The following FARP1 variants were observed in gnomAD, a reference collection of about 807,000 sequenced individuals.
FARP1 encodes the protein FERM, ARH/RhoGEF and pleckstrin domain protein 1, also known as FERM, ARHGEF and pleckstrin domain-containing protein 1.
A neutral mutation model predicts 128.8 loss-of-function variants in FARP1; 52 were observed. That is an observed-to-expected ratio of 0.40 (90% CI 0.32 to 0.51). The LOEUF (loss-of-function observed/expected upper bound fraction) is 0.51. Among genes scored for constraint, FARP1 ranks in the 20% least tolerant of loss-of-function variants. The pLI, the probability that FARP1 is intolerant of heterozygous loss-of-function variation, is 0.45. For missense variants in FARP1, 1,333 were observed against 1,367.9 expected, an observed-to-expected ratio of 0.97 and a Z score of 0.40; for synonymous variants, 580 against 551.8, an observed-to-expected ratio of 1.05 and a Z score of -0.72.
At chr13:98,226,951 T>TTTC (rs1566766334) in intron 2 of FARP1, among the ~76,000 whole-genome samples, 5 of 151,896 alleles carry the variant, frequency 3.3e-5, no homozygotes, top group African/African-American at 9.7e-5. Flanking sequence ...TTCTTTCTTT[T>TTTC]TTTTTTTGAG....
intron 2 of FARP1, among the ~76,000 whole-genome samples, chr13:98,290,659 C>T (rs1885406496): frequency 6.6e-6 from 1 of 152,114 alleles, no homozygotes; most frequent in African/African-American, 2.4e-5. Flanking sequence ...TGAGTTGGGA[C>T]AGTAGTGGCC....
Position 98,446,759 on chromosome 13 carries a change from C to T in FARP1, c.2998C>T (p.Leu1000=). The change falls in exon 26 of 27, where the codon CTG becomes TTG. Residue 1000 remains leucine, a synonymous_variant. Coordinates refer to ENST00000319562, the MANE Select transcript of FARP1 (RefSeq NM_005766.4). The stretch of plus-strand genomic sequence containing the variant: ...CATCCAGAAAGACTACGTGTTCAAG[C>T]TGCACTTCAAGTCCCACGTCTACTA... ...ENIQKDYVFK[L]HFKSHVYYFR... 2 of 1,614,194 alleles carry T rather than the reference C, an allele frequency of 1.2e-6. No homozygotes were observed. Among genetic ancestry groups the T allele is most frequent in the Non-Finnish European group, 1.7e-6 (2 of 1,180,030 alleles).
intron 2 of FARP1, among the ~76,000 whole-genome samples, chr13:98,252,587 G>A (rs1883395975): frequency 6.6e-6 from 1 of 152,198 alleles, no homozygotes; most frequent in South Asian, 2.1e-4. Flanking sequence ...GCTACCAAAT[G>A]CTGAGATTTC....
chr13:98,322,686 T>C lies in FARP1; in HGVS notation c.172-21076T>C, dbSNP rs1210493386. ...GAAGAAGGCACTGAGTAGAGGCTGTTCCCCGGGAATTATCCAAGAATCACA... is the reference window on the plus strand; with the variant it reads ...GAAGAAGGCACTGAGTAGAGGCTGTCCCCCGGGAATTATCCAAGAATCACA... On this transcript the variant is annotated intron_variant, in intron 2 of 26. Coordinates refer to ENST00000319562, the MANE Select transcript of FARP1 (RefSeq NM_005766.4). 2.0e-5 allele frequency among the ~76,000 whole-genome samples: 3 copies of C among 152,194 alleles called. No homozygotes were observed. In the South Asian group the frequency reaches 6.2e-4, roughly 31 times the overall value.
chr13:98,184,089 A>G (rs775495818), intron 1 of FARP1, among the ~76,000 whole-genome samples: 1 of 152,166 alleles, frequency 6.6e-6, no homozygotes, highest in Non-Finnish European at 1.5e-5. Context: ...GAGCAGTGTC[A>G]GACTCAAAAA....
chr13:98,199,250 C>A (rs1217850733), intron 1 of FARP1, among the ~76,000 whole-genome samples: 1 of 151,934 alleles, frequency 6.6e-6, no homozygotes, highest in African/African-American at 2.4e-5. Context: ...TGTCTCAGTT[C>A]CTCAGTGAGG....
At chr13:98,390,328 G>A (rs919946577) in intron 10 of FARP1, among the ~76,000 whole-genome samples, 4 of 152,192 alleles carry the variant, frequency 2.6e-5, no homozygotes, top group East Asian at 3.8e-4. Context: ...CATGGTAAAC[G>A]CCTAGCGGGA....
intron 1 of FARP1, among the ~76,000 whole-genome samples, chr13:98,169,828 C>A (rs1395110482): frequency 6.6e-6 from 1 of 151,778 alleles, no homozygotes; most frequent in Non-Finnish European, 1.5e-5. Context: ...TTGCTTTCTC[C>A]ATTTAGTCTG....
At chr13:98,355,072 G>A (rs1218792198) in intron 3 of FARP1, among the ~76,000 whole-genome samples, 1 of 152,158 alleles carries the variant, frequency 6.6e-6, no homozygotes, top group Non-Finnish European at 1.5e-5. Flanking sequence ...TGGTGACCAG[G>A]CAAGATGTCT....
chr13:98,430,983 C>T (rs1460535447), intron 17 of FARP1, 60 bp from the exon 18 acceptor site: 2 of 1,074,172 alleles, frequency 1.9e-6, no homozygotes, highest in Non-Finnish European at 2.8e-6. Flanking sequence ...TGAAACTGGG[C>T]AGAACACAGG....
intron 2 of FARP1, among the ~76,000 whole-genome samples, chr13:98,279,059 T>G (rs1202365873): frequency 6.6e-6 from 1 of 151,570 alleles, no homozygotes; most frequent in Non-Finnish European, 1.5e-5. Context: ...ATGGTCTTGA[T>G]CTCCTGACCT....
chr13:98,277,278 G>A (rs912724176), intron 2 of FARP1, among the ~76,000 whole-genome samples: 9 of 152,000 alleles, frequency 5.9e-5, no homozygotes, highest in African/African-American at 2.2e-4. Context: ...ATGGCCTCGC[G>A]TGTAGCTGGG....
intron 8 of FARP1, 102 bp downstream of exon 8, chr13:98,385,916 T>A: frequency 7.8e-7 from 1 of 1,279,254 alleles, no homozygotes; most frequent in Non-Finnish European, 1.1e-6. Flanking sequence ...CCTCTGATGG[T>A]TATTTTTCGG....
In FARP1 at chr13:98,217,276, T is replaced by TAA. The variant is rs151323533; in HGVS notation, c.171+3871_171+3872dup. On this transcript the variant is annotated intron_variant, in intron 2 of 26. Transcript: ENST00000319562. ...TTTTGCTTCTTTTGAGCAGCCCTGG[T>TAA]AAAAAAAAATGCTTGGGGAAGATGC... 5.8e-3 allele frequency among the ~76,000 whole-genome samples: 873 copies of TAA among 151,150 alleles called. 9 individuals are homozygous for TAA. Among genetic ancestry groups the TAA allele is most frequent in the African/African-American group, 0.02 (834 of 41,170 alleles).
Position 98,448,398 on chromosome 13 carries a change from AT to A in FARP1, c.*83del. The A allele has an allele frequency of 8.9e-7, 1 of 1,119,196 alleles. No homozygotes were observed. Among genetic ancestry groups the A allele is most frequent in the Admixed American group, 1.8e-5 (1 of 56,920 alleles). 69.3% of individuals were successfully genotyped at this position (1,119,196 alleles called of 1,614,324 possible). A position where few individuals can be genotyped will look rare whatever the true frequency, so the allele number is the denominator to read the frequency against. ...TTCTGTATTAATGAAGCCTGGTAAA[AT>A]TAACACCTGTCTGAAAATCAAAAAC... is the stretch of plus-strand genomic sequence containing the variant. On this transcript the variant is annotated 3_prime_UTR_variant, in exon 27 of 27. Transcript: ENST00000319562.
At chr13:98,327,806 G>A (rs1887299188) in intron 2 of FARP1, among the ~76,000 whole-genome samples, 2 of 152,194 alleles carry the variant, frequency 1.3e-5, no homozygotes, top group African/African-American at 2.4e-5. Flanking sequence ...GTCGCAGCCT[G>A]CAAAGCGGGC....
chr13:98,329,926 G>A (rs1224166244), intron 2 of FARP1: 3 of 152,200 alleles, frequency 2.0e-5, no homozygotes, highest in African/African-American at 4.8e-5. Flanking sequence ...GTTGTCTTTT[G>A]TGTGTAGAAA....
intron 19 of FARP1, chr13:98,435,931 A>G (rs1892250295): frequency 3.2e-6 from 2 of 626,280 alleles, no homozygotes; most frequent in East Asian, 7.0e-5. Flanking sequence ...TTTTCTCCTT[A>G]CGGGGTGATT....
chr13:98,206,842 A>T (rs1268515025), intron 1 of FARP1, among the ~76,000 whole-genome samples: 1 of 152,238 alleles, frequency 6.6e-6, no homozygotes, highest in Admixed American at 6.5e-5. Flanking sequence ...TGGAATAATC[A>T]CTTTAGTAAT....
Sources: gnomAD v4.1 joint callset for allele counts (sites outside exome capture counted in the v4.1 genomes callset) on GRCh38, gnomAD v4.1.1 for gene constraint, MANE v1.5 for transcripts, NCBI Gene and HGNC (gene_info 2026-07-23, HGNC 2026-07-21) for gene names.